ADCYAP1R1: variants seen among roughly 807,000 people sequenced by gnomAD.
ADCYAP1R1 encodes pituitary adenylate cyclase-activating polypeptide type I receptor.
In ADCYAP1R1, 44 loss-of-function variants were observed where a neutral mutation model predicts 67.6. That is an observed-to-expected ratio of 0.65 (90% CI 0.51 to 0.84). The LOEUF is 0.84. ADCYAP1R1 is among the 40% of genes least tolerant of loss of function. ADCYAP1R1 has a pLI of 0.00. For missense variants in ADCYAP1R1, 477 were observed against 587.9 expected, an observed-to-expected ratio of 0.81 and a Z score of 1.95; for synonymous variants, 222 against 219.6, an observed-to-expected ratio of 1.01 and a Z score of -0.10.
chr7:31,076,965 C>T (rs1795255711), intron 3 of ADCYAP1R1, among the ~76,000 whole-genome samples: 2 of 152,158 alleles, frequency 1.3e-5, no homozygotes, highest in Admixed American at 6.5e-5. Flanking sequence ...GTCTCCCCTC[C>T]CCACACACCT....
chr7:31,069,881 T>G (rs1175163334), intron 3 of ADCYAP1R1, among the ~76,000 whole-genome samples: 1 of 152,236 alleles, frequency 6.6e-6, no homozygotes, highest in East Asian at 1.9e-4. Context: ...CTTGGCATGT[T>G]TTAAAGGTGT....
chr7:31,102,996 T>A lies in ADCYAP1R1; in HGVS notation c.1047-241T>A, dbSNP rs1796498480. Reference sequence around the variant, plus strand: ...GGGGTCCCTGTAAATCGTGTGCACATTTTTAGTGGTTCTACAGGCTATTGA... The same window carrying A: ...GGGGTCCCTGTAAATCGTGTGCACAATTTTAGTGGTTCTACAGGCTATTGA... On this transcript the variant is annotated intron_variant, in intron 13 of 15. Transcript: ENST00000304166. This position sits in a 1 kb window ranked among gnomAD's most constrained non-coding sequence, Gnocchi z 4.3. 6.6e-6 allele frequency among the ~76,000 whole-genome samples: 1 copy of A among 152,184 alleles called. No homozygotes were observed.
chr7:31,097,241 C>G (rs1796232516), intron 13 of ADCYAP1R1, among the ~76,000 whole-genome samples: 1 of 152,250 alleles, frequency 6.6e-6, no homozygotes, highest in African/African-American at 2.4e-5. Context: ...GACAGCCCCA[C>G]CCAACACCCT....
rs1796508602 is a variant in ADCYAP1R1 at position 31,103,270 on chromosome 7, A to G, written c.1080A>G (p.Pro360=). ...CCCGGTCCACCCTGCTGCTCATCCC[A>G]CTATTCGGAATCCACTACACAGTAT... ...RLARSTLLLI[P]LFGIHYTVFA... The change falls in exon 14 of 16, where the codon CCA becomes CCG. Residue 360 remains proline (P), a synonymous_variant. Coordinates refer to ENST00000304166, the MANE Select transcript of ADCYAP1R1 (RefSeq NM_001118.5). The G allele has an allele frequency of 1.9e-6, 3 of 1,613,966 alleles. No homozygotes were observed. The highest frequency in any genetic ancestry group is 2.5e-6 in the Non-Finnish European group (3 of 1,179,998).
intron 3 of ADCYAP1R1, among the ~76,000 whole-genome samples, chr7:31,076,187 C>T (rs914953529): frequency 2.6e-5 from 4 of 152,166 alleles, no homozygotes; most frequent in Non-Finnish European, 5.9e-5. Context: ...GGGTGGGCGG[C>T]CAAAGGCAGG....
At position 31,104,874 on chromosome 7, in the gene ADCYAP1R1, G is replaced by A. The variant is rs1796575827; in HGVS notation, c.1183G>A (p.Val395Met). The change falls in exon 15 of 16, where the codon GTG becomes ATG. Residue 395 changes from valine to methionine, a missense_variant. Physicochemically the swap from Val to Met is conservative, Grantham distance 21 (BLOSUM62 1). Transcript: ENST00000304166. ...TTATTTTCTCTATTCCCAGGGCTTT[G>A]TGGTGGCTGTTCTCTACTGTTTTCT... is the stretch of plus-strand genomic sequence containing the variant. ...ELGLGSFQGFVVAVLYCFLNG... is the reference protein window; with the variant it reads ...ELGLGSFQGFMVAVLYCFLNG... The A allele has an allele frequency of 6.2e-7, 1 of 1,614,094 alleles. No individual in the cohort carries two copies. The highest frequency in any genetic ancestry group is 1.3e-5 in the African/African-American group (1 of 74,928).
In ADCYAP1R1 at chr7:31,084,716, A is replaced by G. The variant is rs1438381573; in HGVS notation, c.439-21A>G. The G allele has an allele frequency of 3.1e-6, 5 of 1,598,900 alleles. No individual in the cohort carries two copies. In the African/African-American group the frequency reaches 6.7e-5, roughly 21 times the overall value. On this transcript the variant is annotated intron_variant, in intron 7 of 15. Transcript: ENST00000304166. ...GGGCAGGTCTCACATGAAGTCCTGCATGTCCTGTGCTCTGCTTCAGGATTA... is the reference window on the plus strand; with the variant it reads ...GGGCAGGTCTCACATGAAGTCCTGCGTGTCCTGTGCTCTGCTTCAGGATTA...
At chr7:31,089,423 G>GTTTT (rs34984750) in intron 12 of ADCYAP1R1, among the ~76,000 whole-genome samples, 1 of 127,532 alleles carries the variant, frequency 7.8e-6, no homozygotes, top group Non-Finnish European at 1.7e-5. Context: ...GCTTGTTTCA[G>GTTTT]TTTTTTTTTT....
chr7:31,107,697 C>G lies in ADCYAP1R1; in HGVS notation c.*1013C>G, dbSNP rs760992734. 2 of 152,408 alleles carry G rather than the reference C, an allele frequency of 1.3e-5. No homozygotes were observed. The highest frequency in any genetic ancestry group is 2.9e-5 in the Non-Finnish European group (2 of 68,222). 9.4% of individuals were successfully genotyped at this position (152,408 alleles called of 1,614,324 possible). ...CTGATGTCGGCGAATCCTGAAGCAC[C>G]TGCACCCGAATCTGGGGCCCAGGGC... On this transcript the variant is annotated 3_prime_UTR_variant, in exon 16 of 16. Transcript: ENST00000304166.
chr7:31,064,288 G>A lies in ADCYAP1R1; in HGVS notation c.52-543G>A, dbSNP rs112852366. ...GAGAGAAAATGAGCTTTCTCAGCCT[G>A]ACTTCTCCCCTACCACTTGTTTTCT... On this transcript the variant is annotated intron_variant, in intron 2 of 15. Transcript: ENST00000304166. 1.1e-3 allele frequency among the ~76,000 whole-genome samples: 173 copies of A among 152,126 alleles called. 1 individual carries two copies. The highest frequency in any genetic ancestry group is 4.1e-3 in the African/African-American group (168 of 41,408).
At chr7:31,064,989 T>C in intron 3 of ADCYAP1R1, 53 bp downstream of exon 3, 1 of 1,393,430 alleles carries the variant, frequency 7.2e-7, no homozygotes, top group Non-Finnish European at 9.9e-7. Flanking sequence ...CTTTTAGAAC[T>C]GTTTTCCTGT....
At chr7:31,100,954 G>T (rs539162394) in intron 13 of ADCYAP1R1, among the ~76,000 whole-genome samples, 8 of 152,286 alleles carry the variant, frequency 5.3e-5, no homozygotes, top group African/African-American at 1.9e-4. Flanking sequence ...CCCATTGCTG[G>T]CTCCTCAGGG....
intron 11 of ADCYAP1R1, 132 bp downstream of exon 11, chr7:31,087,135 G>A: frequency 9.5e-7 from 1 of 1,056,526 alleles, no homozygotes; most frequent in Non-Finnish European, 1.4e-6. Context: ...CTAAAGCCCA[G>A]CACTGGGCAC....
In ADCYAP1R1 at chr7:31,068,974, C is replaced by T. The variant is rs191066065; in HGVS notation, c.157+4038C>T. Among the ~76,000 whole-genome samples, 11 of 152,336 alleles carry T rather than the reference C, an allele frequency of 7.2e-5. No individual in the cohort carries two copies. The East Asian group carries it at 2.1e-3, about 29-fold the overall frequency. On this transcript the variant is annotated intron_variant, in intron 3 of 15. Coordinates refer to ENST00000304166, the MANE Select transcript of ADCYAP1R1 (RefSeq NM_001118.5). Reference sequence around the variant, plus strand: ...ACTTGTGAAAGATGGGCCTCTACCCCTCTCATCATACCTGCAGCACTGTAG... The same window carrying T: ...ACTTGTGAAAGATGGGCCTCTACCCTTCTCATCATACCTGCAGCACTGTAG...
Position 31,063,231 on chromosome 7 carries a change from A to C in ADCYAP1R1, c.-34A>C. 1 of 1,613,980 alleles carries C rather than the reference A, an allele frequency of 6.2e-7. No individual in the cohort carries two copies. The highest frequency in any genetic ancestry group is 2.2e-5 in the East Asian group (1 of 44,880). On this transcript the variant is annotated 5_prime_UTR_variant, in exon 2 of 16. Transcript: ENST00000304166. ...TTGGGGCTGACCTGCCGCTGCTGTC[A>C]GTGGGAGGCCAGTGGTGCTGGCCAA...
chr7:31,084,910 C>A (rs1795672902), intron 8 of ADCYAP1R1, 76 bp downstream of exon 8: 1 of 1,331,480 alleles, frequency 7.5e-7, no homozygotes, highest in Non-Finnish European at 1.1e-6. Flanking sequence ...TCTCTCCCCT[C>A]CCCCCTTGAT....
At chr7:31,058,495 G>T (rs546648419) in intron 1 of ADCYAP1R1, among the ~76,000 whole-genome samples, 19 of 152,212 alleles carry the variant, frequency 1.2e-4, no homozygotes, top group East Asian at 3.9e-4. Flanking sequence ...TACAGTCCAG[G>T]TATCTGTAAC....
At position 31,069,009 on chromosome 7, in the gene ADCYAP1R1, G is replaced by T. The variant is rs557751581; in HGVS notation, c.157+4073G>T. On this transcript the variant is annotated intron_variant, in intron 3 of 15. Transcript: ENST00000304166. Reference sequence around the variant, plus strand: ...ACCTGCAGCACTGTAGAGCCCCCAGGAGCATTTAAAGGTGCTGATGTCGAG... The same window carrying T: ...ACCTGCAGCACTGTAGAGCCCCCAGTAGCATTTAAAGGTGCTGATGTCGAG... Among the ~76,000 whole-genome samples, 134 of 152,278 alleles carry T rather than the reference G, an allele frequency of 8.8e-4. 2 individuals carry two copies. Among genetic ancestry groups the T allele is most frequent in the African/African-American group, 3.2e-3 (132 of 41,558 alleles).
chr7:31,084,271 C>T (rs760526570), intron 7 of ADCYAP1R1, 21 bp downstream of exon 7: 6 of 1,602,060 alleles, frequency 3.7e-6, no homozygotes, highest in African/African-American at 2.7e-5. Context: ...GCACCCTGCT[C>T]CCCAGAGGTG....
Sources: gnomAD v4.1 joint callset for allele counts (sites outside exome capture counted in the v4.1 genomes callset) on GRCh38, gnomAD v4.1.1 for gene constraint, Gnocchi (gnomAD v3.1) non-coding constraint, MANE v1.5 for transcripts, NCBI Gene and HGNC (gene_info 2026-07-23, HGNC 2026-07-21) for gene names.